DPP6: variants seen among roughly 807,000 people sequenced by gnomAD.
DPP6 encodes the protein dipeptidyl peptidase like 6.
A neutral mutation model predicts 122.6 loss-of-function variants in DPP6; 69 were observed. The ratio of observed to expected loss-of-function variants is 0.56; its 90% CI spans 0.46 to 0.69. DPP6 has a LOEUF of 0.69. Among genes scored for constraint, DPP6 ranks in the 30% least tolerant of loss-of-function variants. The pLI is 0.00. For missense variants in DPP6, 928 were observed against 1,116.9 expected, an observed-to-expected ratio of 0.83 and a Z score of 2.41; for synonymous variants, 418 against 433.1, an observed-to-expected ratio of 0.97 and a Z score of 0.43.
intron 3 of DPP6, among the ~76,000 whole-genome samples, chr7:154,520,969 C>T (rs796425265): frequency 3.9e-5 from 6 of 152,272 alleles, no homozygotes; most frequent in African/African-American, 1.4e-4. Flanking sequence ...GATCTTCTGG[C>T]GGCCCATTTC....
chr7:154,395,455 A>G (rs986798245), intron 1 of DPP6, among the ~76,000 whole-genome samples: 5 of 152,184 alleles, frequency 3.3e-5, no homozygotes, highest in African/African-American at 1.2e-4. Context: ...TTTTCATTTT[A>G]CAAGTTGTTC....
rs139206594 is a variant in DPP6, at chr7:154,040,368, C to T, written c.51+152634C>T. ...CTGGATCAAAATAAGGAAAAACACA[C>T]GAGGTCTAAATCATCAAAATAAGTT... is the stretch of plus-strand genomic sequence containing the variant. On this transcript the variant is annotated intron_variant, in intron 1 of 25. Transcript: ENST00000404039. Among the ~76,000 whole-genome samples the T allele has an allele frequency of 3.1e-4, 47 of 150,204 alleles. No homozygotes were observed. The East Asian group carries it at 8.6e-3, about 28-fold the overall frequency.
At chr7:154,686,377 G>A (rs1295148910) in intron 7 of DPP6, among the ~76,000 whole-genome samples, 1 of 150,780 alleles carries the variant, frequency 6.6e-6, no homozygotes, top group Non-Finnish European at 1.5e-5. Context: ...TACCATGAAC[G>A]TGATATTTGT....
At position 154,576,149 on chromosome 7, in the gene DPP6, CCTT is replaced by C. The variant is rs1399627466; in HGVS notation, c.627+9236_627+9238del. On this transcript the variant is annotated intron_variant, in intron 5 of 25. Transcript: ENST00000377770. Reference sequence around the variant, plus strand: ...CACACAGGGACACCGCTGTGAGTCACCTTCTAATTGGTCTCTCTACTTCCCCGT... The same window carrying C: ...CACACAGGGACACCGCTGTGAGTCACCTAATTGGTCTCTCTACTTCCCCGT... Among the ~76,000 whole-genome samples the C allele has an allele frequency of 4.6e-3, 706 of 152,168 alleles. 3 individuals carry two copies. The highest frequency in any genetic ancestry group is 0.027 in the Middle Eastern group (8 of 294).
chr7:154,553,616 A>G (rs1163677989), intron 4 of DPP6, among the ~76,000 whole-genome samples: 2 of 152,188 alleles, frequency 1.3e-5, no homozygotes, highest in Non-Finnish European at 2.9e-5. Context: ...ACTAAGTCAC[A>G]CAGCTGATAG....
chr7:154,578,498 TA>T (rs1831830791), intron 5 of DPP6, among the ~76,000 whole-genome samples: 1 of 1,406 alleles, frequency 7.1e-4, no homozygotes, highest in African/African-American at 2.1e-3. Flanking sequence ...AAGCAGGGGC[TA>T]TTCGGGCTTG....
At chr7:154,432,892 G>C (rs977410263) in intron 1 of DPP6, among the ~76,000 whole-genome samples, 2 of 152,104 alleles carry the variant, frequency 1.3e-5, no homozygotes, top group African/African-American at 4.8e-5. Context: ...TACTCATATG[G>C]TAGTTAAATA....
Position 154,720,447 on chromosome 7 carries a change from C to T in DPP6, c.763-7320C>T, listed in dbSNP as rs141341423. 9.4e-3 allele frequency among the ~76,000 whole-genome samples: 1,436 copies of T among 152,312 alleles called. 10 individuals carry two copies. Among genetic ancestry groups the T allele is most frequent in the Non-Finnish European group, 0.015 (1,006 of 68,026 alleles). On this transcript the variant is annotated intron_variant, in intron 7 of 25. Transcript: ENST00000377770. ...TGTACATCTCAGTATGTTTGGGAGACCTGAGCATTTACCTTGTAAAAGTTT... is the reference window on the plus strand; with the variant it reads ...TGTACATCTCAGTATGTTTGGGAGATCTGAGCATTTACCTTGTAAAAGTTT...
intron 1 of DPP6, among the ~76,000 whole-genome samples, chr7:154,389,159 T>G (rs942693590): frequency 1.3e-5 from 2 of 152,066 alleles, no homozygotes; most frequent in African/African-American, 2.4e-5. Context: ...GATAAATTAG[T>G]TAGGAGGGCA....
the DPP6 span, among the ~76,000 whole-genome samples, chr7:153,823,690 G>A: frequency 1.3e-5 from 2 of 151,634 alleles, no homozygotes; most frequent in Admixed American, 6.6e-5. Flanking sequence ...GGGAGAGCTG[G>A]GAAGATTCCA....
At chr7:154,574,962 T>C (rs1831442873) in intron 5 of DPP6, among the ~76,000 whole-genome samples, 4 of 142,578 alleles carry the variant, frequency 2.8e-5, no homozygotes, top group Non-Finnish European at 6.1e-5. Flanking sequence ...TGTGTGTTTT[T>C]GTGTGGTGTG....
chr7:154,421,851 GGCCCCAGTGCCCA>G (rs561895478), intron 1 of DPP6, among the ~76,000 whole-genome samples: 138 of 152,310 alleles, frequency 9.1e-4, no homozygotes, highest in African/African-American at 3.1e-3. Context: ...TTATTACAGT[GGCCCCAGTGCCCA>G]GCATGTTGTA....
At chr7:154,648,646 G>A (rs1385099098) in intron 6 of DPP6, among the ~76,000 whole-genome samples, 2 of 152,090 alleles carry the variant, frequency 1.3e-5, no homozygotes, top group South Asian at 2.1e-4. Context: ...TCGGCCGGGC[G>A]TGGTGGCTCA....
chr7:154,459,337 C>T (rs1821071149), intron 2 of DPP6, among the ~76,000 whole-genome samples: 1 of 152,146 alleles, frequency 6.6e-6, no homozygotes, highest in East Asian at 1.9e-4. Context: ...CTATTGGGAG[C>T]ACACTACACC....
intron 10 of DPP6, among the ~76,000 whole-genome samples, chr7:154,778,080 T>C (rs183184303): frequency 6.6e-6 from 1 of 152,296 alleles, no homozygotes; most frequent in Admixed American, 6.5e-5. Flanking sequence ...TGTCGAATGC[T>C]TAGAGGACCT....
chr7:154,524,340 G>T (rs1454903020), intron 3 of DPP6, among the ~76,000 whole-genome samples: 2 of 152,176 alleles, frequency 1.3e-5, no homozygotes, highest in Non-Finnish European at 2.9e-5. Context: ...CCTCCAGAGG[G>T]TTATTCTGTC....
chr7:154,395,896 A>G (rs1221195044), intron 1 of DPP6, among the ~76,000 whole-genome samples: 1 of 148,172 alleles, frequency 6.7e-6, no homozygotes, highest in African/African-American at 2.5e-5. Flanking sequence ...GGGTTTTTGT[A>G]TGGATTTTAT....
intron 16 of DPP6, among the ~76,000 whole-genome samples, chr7:154,837,524 G>C (rs1476361670): frequency 6.6e-6 from 1 of 152,232 alleles, no homozygotes; most frequent in Non-Finnish European, 1.5e-5. Flanking sequence ...CCACTGCTGA[G>C]CCAGCTCTGG....
chr7:154,286,701 T>C (rs930637701), intron 1 of DPP6, among the ~76,000 whole-genome samples: 20 of 152,104 alleles, frequency 1.3e-4, no homozygotes, highest in African/African-American at 4.6e-4. Context: ...CTCCATAGTG[T>C]TGAGGGAGCA....
Sources: gnomAD v4.1 joint callset for allele counts (sites outside exome capture counted in the v4.1 genomes callset) on GRCh38, gnomAD v4.1.1 for gene constraint, MANE v1.5 for transcripts, NCBI Gene and HGNC (gene_info 2026-07-23, HGNC 2026-07-21) for gene names.